ARHGAP19: variants seen among roughly 807,000 people sequenced by gnomAD.
The protein encoded by ARHGAP19 is Rho GTPase activating protein 19.
ARHGAP19 carries 48 observed loss-of-function variants against 60.9 expected under a neutral mutation model. That is an observed-to-expected ratio of 0.79 (90% CI 0.62 to 1.00). The LOEUF is 1.00. Ranked by LOEUF, ARHGAP19 falls within the 50% of genes least tolerant of loss-of-function variation. The pLI is 0.00. For missense variants in ARHGAP19, 562 were observed against 597.2 expected (o/e 0.94, Z 0.61); for synonymous variants, 209 against 215.5 (o/e 0.97, Z 0.27).
intron 1 of ARHGAP19, chr10:97,270,694 T>A: frequency 6.5e-7 from 1 of 1,540,220 alleles, no homozygotes; most frequent in Non-Finnish European, 8.7e-7. Context: ...AAAGAAACTC[T>A]CCTTTCCCTG....
rs553408676 is a variant in ARHGAP19 at position 97,225,688 on chromosome 10, C to G, written c.*434G>C. 6.3e-6 allele frequency: 1 copy of G among 158,128 alleles called. No individual in the cohort carries two copies. Among genetic ancestry groups the G allele is most frequent in the African/African-American group, 2.4e-5 (1 of 41,776 alleles). The allele number at this position is 158,128 out of a possible 1,614,324, so 9.8% of individuals were successfully genotyped here. On this transcript the variant is annotated 3_prime_UTR_variant, in exon 12 of 12. Coordinates refer to ENST00000358531, the MANE Select transcript of ARHGAP19 (RefSeq NM_032900.6). The stretch of plus-strand genomic sequence containing the variant: ...AACAAAAACAACCAAATACCCAATA[C>G]TATCAAAACAGAGAAAAACCCAAAA...
chr10:97,250,705 A>G (rs1000180040), intron 6 of ARHGAP19, among the ~76,000 whole-genome samples: 5 of 151,602 alleles, frequency 3.3e-5, no homozygotes, highest in African/African-American at 1.2e-4. Context: ...GAAAAACTAT[A>G]AAACGGAGCT....
intron 1 of ARHGAP19, chr10:97,277,782 A>G (rs1050242367): frequency 6.6e-6 from 1 of 152,256 alleles, no homozygotes; most frequent in African/African-American, 2.4e-5. Flanking sequence ...TCTGTTGCCA[A>G]TCAATTCCAC....
chr10:97,227,759 A>G (rs1438882871), intron 11 of ARHGAP19, among the ~76,000 whole-genome samples: 1 of 152,242 alleles, frequency 6.6e-6, no homozygotes, highest in Non-Finnish European at 1.5e-5. Flanking sequence ...GTACCTACAC[A>G]AAAGATTGCA....
chr10:97,292,455 C>T (rs1843250095), intron 1 of ARHGAP19, 117 bp downstream of exon 1: 14 of 1,348,020 alleles, frequency 1.0e-5, no homozygotes, highest in Non-Finnish European at 1.5e-5. Flanking sequence ...CGATGAGAAA[C>T]GCCGTGGGAG....
chr10:97,247,651 G>C (rs1842582058), intron 6 of ARHGAP19, among the ~76,000 whole-genome samples: 1 of 151,688 alleles, frequency 6.6e-6, no homozygotes, highest in Non-Finnish European at 1.5e-5. Flanking sequence ...AGGGAGAGGA[G>C]GCAGGGAGGG....
At chr10:97,229,734 A>ATG in intron 10 of ARHGAP19, 30 bp downstream of exon 10, 2 of 1,473,852 alleles carry the variant, frequency 1.4e-6, no homozygotes, top group Non-Finnish European at 1.9e-6. Flanking sequence ...ATATACAGAC[A>ATG]GACAGACAGT....
At chr10:97,231,888 C>T (rs1037413163) in intron 9 of ARHGAP19, among the ~76,000 whole-genome samples, 14 of 151,916 alleles carry the variant, frequency 9.2e-5, no homozygotes, top group Non-Finnish European at 5.9e-5. Flanking sequence ...ATACTGTTTT[C>T]CACAGTGGCT....
chr10:97,266,499 T>C (rs914740257), intron 1 of ARHGAP19, among the ~76,000 whole-genome samples: 2 of 152,206 alleles, frequency 1.3e-5, no homozygotes, highest in African/African-American at 4.8e-5. Flanking sequence ...TTACATTACA[T>C]TGGGCTATAC....
At chr10:97,258,181 G>A (rs1842781296) in intron 5 of ARHGAP19, among the ~76,000 whole-genome samples, 1 of 152,088 alleles carries the variant, frequency 6.6e-6, no homozygotes, top group Non-Finnish European at 1.5e-5. Context: ...GCATAGAAAA[G>A]GCAAAAGACT....
intron 7 of ARHGAP19, among the ~76,000 whole-genome samples, chr10:97,245,171 A>T (rs1160125125): frequency 6.6e-6 from 1 of 151,882 alleles, no homozygotes; most frequent in African/African-American, 2.4e-5. Context: ...ACATCTGGCT[A>T]ATTTTTTGCA....
chr10:97,268,718 C>G (rs1842928217), intron 1 of ARHGAP19, among the ~76,000 whole-genome samples: 1 of 152,168 alleles, frequency 6.6e-6, no homozygotes, highest in Admixed American at 6.6e-5. Context: ...CAGGAAAAAC[C>G]TGCCCCCATG....
intron 1 of ARHGAP19, among the ~76,000 whole-genome samples, chr10:97,268,374 C>T (rs113408215): frequency 0.045 from 6,843 of 152,234 alleles, 255 homozygotes; most frequent in African/African-American, 0.1. Flanking sequence ...TAAACTGTTC[C>T]AACCTCTGCC....
At chr10:97,236,457 G>A (rs1477097652) in intron 8 of ARHGAP19, among the ~76,000 whole-genome samples, 4 of 152,120 alleles carry the variant, frequency 2.6e-5, no homozygotes, top group Non-Finnish European at 5.9e-5. Flanking sequence ...AGCTAGTTAA[G>A]TATCCCTCCT....
intron 9 of ARHGAP19, among the ~76,000 whole-genome samples, chr10:97,233,991 A>G (rs1851079463): frequency 6.6e-6 from 1 of 150,872 alleles, no homozygotes. Context: ...AGCTGGCCAG[A>G]CGCAATGGCT....
chr10:97,273,698 A>G lies in ARHGAP19; in HGVS notation c.57-7573T>C, dbSNP rs192545520. Among the ~76,000 whole-genome samples, 201 of 151,850 alleles carry G rather than the reference A, an allele frequency of 1.3e-3. 1 individual carries two copies. The highest frequency in any genetic ancestry group is 4.7e-3 in the African/African-American group (194 of 41,408). ...GAGACAGGGTTTCACCATGTTGAGC[A>G]GGTTGGTCTCGAACTCCTGGGCTCA... is the stretch of plus-strand genomic sequence containing the variant. On this transcript the variant is annotated intron_variant, in intron 1 of 11. Transcript: ENST00000358531.
At chr10:97,242,949 C>T (rs554657886) in intron 8 of ARHGAP19, among the ~76,000 whole-genome samples, 108 of 152,284 alleles carry the variant, frequency 7.1e-4, no homozygotes, top group African/African-American at 2.6e-3. Context: ...CGCGCCCAGC[C>T]GGTATCAGTG....
At chr10:97,258,121 T>C (rs917523375) in intron 5 of ARHGAP19, among the ~76,000 whole-genome samples, 5 of 152,208 alleles carry the variant, frequency 3.3e-5, no homozygotes, top group African/African-American at 4.8e-5. Context: ...ACGATGTTAA[T>C]AGGTTGAGGA....
At chr10:97,264,785 C>A (rs372987134) in intron 3 of ARHGAP19, 41 bp downstream of exon 3, 21 of 1,489,268 alleles carry the variant, frequency 1.4e-5, no homozygotes, top group Non-Finnish European at 2.0e-5. Flanking sequence ...AAACAGAATT[C>A]TTCATTAAAC....
Sources: gnomAD v4.1 joint callset for allele counts (sites outside exome capture counted in the v4.1 genomes callset) on GRCh38, gnomAD v4.1.1 for gene constraint, MANE v1.5 for transcripts, NCBI Gene and HGNC (gene_info 2026-07-23, HGNC 2026-07-21) for gene names.